The following DIP2A variants were observed in gnomAD, a reference collection of about 807,000 sequenced individuals.
DIP2A encodes DIP2 acetate--CoA ligase A.
DIP2A carries 85 observed loss-of-function variants against 177.4 expected under a neutral mutation model. The observed-to-expected ratio is 0.48, with a 90% CI of 0.40 to 0.57. The LOEUF is 0.57. Among genes scored for constraint, DIP2A ranks in the 20% least tolerant of loss-of-function variants. The probability of loss-of-function intolerance (pLI) is 0.00; values close to 1 mark genes in which losing one functional copy is unlikely to be tolerated. For missense variants in DIP2A, 1,791 were observed against 2,100.2 expected, an observed-to-expected ratio of 0.85 and a Z score of 2.88; for synonymous variants, 886 against 881.8, an observed-to-expected ratio of 1.00 and a Z score of -0.08.
chr21:46,563,444 G>A lies in DIP2A; in HGVS notation c.4090-414G>A, dbSNP rs1476699457. Among the ~76,000 whole-genome samples the A allele has an allele frequency of 6.6e-6, 1 of 152,136 alleles. No individual in the cohort carries two copies. ...AGTGGTTGGACTGACTCGGAGTCAC[G>A]GGCAGGAAGAACTTCCTCATGGTCA... is the stretch of plus-strand genomic sequence containing the variant. On this transcript the variant is annotated intron_variant, in intron 34 of 37. Transcript: ENST00000417564. The surrounding 1 kb of genome is among the most constrained non-coding windows in gnomAD (Gnocchi z 4.3).
rs567317799 is a variant in DIP2A, at chr21:46,534,534, T to C, written c.1540-51T>C. 17 of 1,533,382 alleles carry C rather than the reference T, an allele frequency of 1.1e-5. No individual in the cohort carries two copies. The South Asian group carries it at 1.8e-4, about 17-fold the overall frequency. 95.0% of individuals were successfully genotyped at this position (1,533,382 alleles called of 1,614,324 possible). A position where few individuals can be genotyped will look rare whatever the true frequency, so the allele number is the denominator to read the frequency against. ...ATTCTACCAGTTTCCATTCTGTCTG[T>C]TGTCACCTCTAGAAATACCACATCA... is the stretch of plus-strand genomic sequence containing the variant. On this transcript the variant is annotated intron_variant, in intron 12 of 37. Transcript: ENST00000417564.
At chr21:46,526,340 C>T (rs192653471) in intron 8 of DIP2A, among the ~76,000 whole-genome samples, 2 of 150,432 alleles carry the variant, frequency 1.3e-5, no homozygotes, top group African/African-American at 4.9e-5. Context: ...GTCTCAAGTA[C>T]TTAGTGTGTG....
At chr21:46,582,353 A>G in the DIP2A span, among the ~76,000 whole-genome samples, 1 of 152,010 alleles carries the variant, frequency 6.6e-6, no homozygotes. Context: ...CCCCCTAGGT[A>G]CTCAGTTGTC....
chr21:46,459,532 AC>A (rs2054103310), intron 1 of DIP2A, among the ~76,000 whole-genome samples: 1 of 4,416 alleles, frequency 2.3e-4, no homozygotes, highest in African/African-American at 1.2e-3. Flanking sequence ...CCCGCCCCTC[AC>A]CCCCGGGACC....
chr21:46,495,187 C>CTCTTCTCTTG (rs2057244223), intron 3 of DIP2A, among the ~76,000 whole-genome samples: 1 of 73,348 alleles, frequency 1.4e-5, no homozygotes, highest in Non-Finnish European at 3.1e-5. Context: ...TTTTTCTCTT[C>CTCTTCTCTTG]TCTTCTCTTC....
At chr21:46,470,737 C>G (rs2055291351) in intron 1 of DIP2A, among the ~76,000 whole-genome samples, 1 of 150,112 alleles carries the variant, frequency 6.7e-6, no homozygotes, top group Non-Finnish European at 1.5e-5. Flanking sequence ...GCACTCCAGC[C>G]TGGACGACAG....
intron 12 of DIP2A, 39 bp downstream of exon 12, chr21:46,534,152 T>A (rs754315062): frequency 6.7e-7 from 1 of 1,492,112 alleles, no homozygotes; most frequent in Non-Finnish European, 9.3e-7. Flanking sequence ...TAAAAACATG[T>A]CCCACAGGCT....
intron 15 of DIP2A, among the ~76,000 whole-genome samples, chr21:46,538,218 T>G (rs1173795064): frequency 6.6e-6 from 1 of 152,124 alleles, no homozygotes; most frequent in African/African-American, 2.4e-5. Flanking sequence ...AATATGGAGC[T>G]TCTAAGAAAA....
In DIP2A at chr21:46,557,238, A is replaced by C. The variant is rs963633609; in HGVS notation, c.3629+169A>C. The C allele has an allele frequency of 7.8e-5, 58 of 743,810 alleles. No individual in the cohort carries two copies. Among genetic ancestry groups the C allele is most frequent in the Non-Finnish European group, 1.1e-4 (51 of 473,306 alleles). 46.1% of individuals were successfully genotyped at this position (743,810 alleles called of 1,614,324 possible). Reference sequence around the variant, plus strand: ...TGGAGTCTGAGTCTGAAATTGAGTGAAAATACATTTTTCATTAAATACACT... The same window carrying C: ...TGGAGTCTGAGTCTGAAATTGAGTGCAAATACATTTTTCATTAAATACACT... On this transcript the variant is annotated intron_variant, in intron 30 of 37. Coordinates refer to ENST00000417564, the MANE Select transcript of DIP2A (RefSeq NM_015151.4). This position sits in a 1 kb window ranked among gnomAD's most constrained non-coding sequence, Gnocchi z 6.0.
intron 8 of DIP2A, among the ~76,000 whole-genome samples, chr21:46,518,332 T>G (rs755795069): frequency 3.0e-4 from 45 of 152,192 alleles, no homozygotes; most frequent in Non-Finnish European, 4.9e-4. Context: ...GGCATCACCG[T>G]TCTCCAGTTC....
At chr21:46,527,325 GTTTTTTTTTTTT>G (rs58453285) in intron 8 of DIP2A, among the ~76,000 whole-genome samples, 3 of 105,586 alleles carry the variant, frequency 2.8e-5, no homozygotes, top group African/African-American at 1.1e-4. Flanking sequence ...TTGAGTTGAG[GTTTTTTTTTTTT>G]TTTTTTTTGA....
In DIP2A at chr21:46,545,810, G is replaced by A. The variant is rs569622380; in HGVS notation, c.2314-71G>A. The A allele has an allele frequency of 9.4e-5, 147 of 1,567,942 alleles. No individual in the cohort carries two copies. The African/African-American group carries it at 1.6e-3, about 17-fold the overall frequency. ...CACACGTGGTGCTGAGCCTCCTGCCGCCTGCTGGGTCTTTTTGGCCAGTTG... is the reference window on the plus strand; with the variant it reads ...CACACGTGGTGCTGAGCCTCCTGCCACCTGCTGGGTCTTTTTGGCCAGTTG... On this transcript the variant is annotated intron_variant, in intron 19 of 37. Transcript: ENST00000417564.
At chr21:46,490,542 T>C in intron 2 of DIP2A, 58 bp from the exon 3 acceptor site, 1 of 1,511,816 alleles carries the variant, frequency 6.6e-7, no homozygotes, top group Non-Finnish European at 8.9e-7. Context: ...AATGGACTTT[T>C]TCATAATTGG....
At position 46,504,499 on chromosome 21, in the gene DIP2A, CCTCT is replaced by C; in HGVS notation, c.784+13_784+16del. On this transcript the variant is annotated intron_variant, in intron 6 of 37. Coordinates refer to ENST00000417564, the MANE Select transcript of DIP2A (RefSeq NM_015151.4). Reference sequence around the variant, plus strand: ...CTGGAAACAGCAGATGGTGAGCCTGCCTCTCTTTCTCCTCGTGAAATAGCAGAAC... The same window carrying C: ...CTGGAAACAGCAGATGGTGAGCCTGCCTTTCTCCTCGTGAAATAGCAGAAC... The C allele has an allele frequency of 6.3e-7, 1 of 1,596,930 alleles. No homozygotes were observed.
intron 4 of DIP2A, 33 bp downstream of exon 4, chr21:46,497,140 T>C (rs757169725): frequency 3.7e-6 from 6 of 1,604,590 alleles, no homozygotes; most frequent in South Asian, 1.1e-5. Context: ...GTGGCTTTTT[T>C]TTGAGTGTTT....
At chr21:46,519,677 T>A (rs1382566751) in intron 8 of DIP2A, among the ~76,000 whole-genome samples, 1 of 152,046 alleles carries the variant, frequency 6.6e-6, no homozygotes, top group African/African-American at 2.4e-5. Flanking sequence ...AGTAAGCTTA[T>A]CCTGCATTCC....
intron 11 of DIP2A, 36 bp downstream of exon 11, chr21:46,533,683 G>A (rs1294374611): frequency 1.3e-5 from 21 of 1,613,364 alleles, no homozygotes; most frequent in Non-Finnish European, 1.7e-5. Context: ...TCAGTGTTCT[G>A]ACTGTGGTCT....
At chr21:46,462,403 C>T (rs1041585839) in intron 1 of DIP2A, 1 of 152,188 alleles carries the variant, frequency 6.6e-6, no homozygotes, top group East Asian at 1.9e-4. Flanking sequence ...CTGTGGATTA[C>T]AATGTCTCTA....
At position 46,459,016 on chromosome 21, in the gene DIP2A, C is replaced by G; in HGVS notation, c.-116C>G. On this transcript the variant is annotated 5_prime_UTR_variant, in exon 1 of 38. Transcript: ENST00000417564. ...GCCCCTGTCCCGCCGCCTCCCGCTC[C>G]TCGCCTGGCGGATGTAGGTTGTTGG... The G allele has an allele frequency of 3.4e-6, 3 of 878,042 alleles. No individual in the cohort carries two copies. The allele number at this position is 878,042 out of a possible 1,614,324, so 54.4% of individuals were successfully genotyped here.
Sources: gnomAD v4.1 joint callset for allele counts (sites outside exome capture counted in the v4.1 genomes callset) on GRCh38, gnomAD v4.1.1 for gene constraint, Gnocchi (gnomAD v3.1) non-coding constraint, MANE v1.5 for transcripts, NCBI Gene and HGNC (gene_info 2026-07-23, HGNC 2026-07-21) for gene names.